The following PCYT1B variants were observed in gnomAD, a reference collection of about 807,000 sequenced individuals.
PCYT1B encodes the protein choline-phosphate cytidylyltransferase B.
Under a neutral mutation model 26.4 loss-of-function variants are expected in PCYT1B, and 10 were observed. That is an observed-to-expected ratio of 0.38 (90% CI 0.23 to 0.64). The LOEUF (loss-of-function observed/expected upper bound fraction) is 0.64, where lower values mean the gene tolerates loss of function less well. PCYT1B is among the 30% of genes least tolerant of loss of function. PCYT1B has a pLI of 0.56. For synonymous variants in PCYT1B, 131 were observed against 108.4 expected (o/e 1.21, Z -1.29); for missense variants, 161 against 292.7 (o/e 0.55, Z 3.28).
chrX:24,630,984 G>A (rs750781150), intron 1 of PCYT1B, among the ~76,000 whole-genome samples: 7 of 111,229 alleles, frequency 6.3e-5, no homozygotes, highest in Admixed American at 9.5e-5. Context: ...GTGCAGTGGC[G>A]CGATCTCAGC....
At chrX:24,670,561 G>A (rs977006758) in intron 1 of PCYT1B, among the ~76,000 whole-genome samples, 1 of 111,820 alleles carries the variant, frequency 8.9e-6, no homozygotes, top group Non-Finnish European at 1.9e-5. Flanking sequence ...CGAAAAGCAT[G>A]AGAAAAATGT....
intron 3 of PCYT1B, among the ~76,000 whole-genome samples, chrX:24,596,144 C>T (rs1329597918): frequency 1.8e-5 from 2 of 111,556 alleles, no homozygotes; most frequent in Non-Finnish European, 3.8e-5. Context: ...AATTCCTTGG[C>T]CTGTTTTTAA....
intron 1 of PCYT1B, among the ~76,000 whole-genome samples, chrX:24,623,620 A>G (rs982391306): frequency 9.0e-6 from 1 of 110,810 alleles, no homozygotes; most frequent in African/African-American, 3.3e-5. Context: ...CATTTGTCAC[A>G]TAAGTTCTGG....
chrX:24,583,775 C>T (rs181123098), intron 5 of PCYT1B, among the ~76,000 whole-genome samples: 96 of 111,854 alleles, frequency 8.6e-4, no homozygotes, highest in African/African-American at 3.0e-3. Flanking sequence ...GGGGATAACT[C>T]AGCTGGATGA....
At position 24,619,514 on chromosome X, in the gene PCYT1B, G is replaced by A. The variant is rs192822435; in HGVS notation, c.118-430C>T. Among the ~76,000 whole-genome samples the A allele has an allele frequency of 4.8e-4, 54 of 111,743 alleles. 1 individual carries two copies. Among genetic ancestry groups the A allele is most frequent in the African/African-American group, 1.7e-3 (52 of 30,768 alleles). On this transcript the variant is annotated intron_variant, in intron 1 of 7. Transcript: ENST00000379144. ...TTGGAAAGTCACAATGCCCAGCTTC[G>A]AACATTTCACAACCGAGGGCAGTCT...
At position 24,607,818 on chromosome X, in the gene PCYT1B, G is replaced by A; in HGVS notation, c.261C>T (p.Leu87=). 1.7e-6 allele frequency: 2 copies of A among 1,198,576 alleles called. No individual in the cohort carries two copies. The highest frequency in any genetic ancestry group is 2.3e-6 in the Non-Finnish European group (2 of 885,251). Residue 87 remains leucine (L), a synonymous_variant, in exon 3 of 8, where the codon CTC becomes CTT. Coordinates refer to ENST00000379144, the MANE Select transcript of PCYT1B (RefSeq NM_004845.5). ...GGGCTCTTGCATGACCTGAGTGGAA[G>A]AGGTCAAATATTCCATCGGCGTATA... is the stretch of plus-strand genomic sequence containing the variant. ...VRVYADGIFD[L]FHSGHARALM... is the part of the protein sequence containing the mutation.
At chrX:24,586,480 G>A (rs943832310) in intron 5 of PCYT1B, among the ~76,000 whole-genome samples, 1 of 112,341 alleles carries the variant, frequency 8.9e-6, no homozygotes, top group African/African-American at 3.2e-5. Flanking sequence ...CAAGCTGAGT[G>A]GAGTCTCATT....
At chrX:24,640,966 C>T (rs758653515) in intron 1 of PCYT1B, among the ~76,000 whole-genome samples, 10 of 111,852 alleles carry the variant, frequency 8.9e-5, no homozygotes, top group Admixed American at 2.9e-4. Flanking sequence ...TGGAGTCTCG[C>T]TCTGTCACTC....
At chrX:24,664,909 G>GAT (rs1927096653) in intron 1 of PCYT1B, among the ~76,000 whole-genome samples, 2 of 111,494 alleles carry the variant, frequency 1.8e-5, no homozygotes, top group Non-Finnish European at 3.8e-5. Flanking sequence ...AGAGAGCTGA[G>GAT]ATAGCACCAC....
At position 24,606,864 on chromosome X, in the gene PCYT1B, TCAAACAAA is replaced by T. The variant is rs59381770; in HGVS notation, c.334+873_334+880del. On this transcript the variant is annotated intron_variant, in intron 3 of 7. Transcript: ENST00000379144. ...TTGGGCGACAGAGTGAGATTCCGTC[TCAAACAAA>T]CAAACAAACAAACAAAGTGGTTTTT... Among the ~76,000 whole-genome samples the T allele has an allele frequency of 7.9e-3, 853 of 108,264 alleles. 11 individuals are homozygous for T. Among genetic ancestry groups the T allele is most frequent in the African/African-American group, 0.027 (824 of 30,075 alleles). The allele number at this position is 108,264 out of a possible 115,157, so 94.0% of individuals were successfully genotyped here. A position where few individuals can be genotyped will look rare whatever the true frequency, so the allele number is the denominator to read the frequency against.
At position 24,594,176 on chromosome X, in the gene PCYT1B, A is replaced by G. The variant is rs141390645; in HGVS notation, c.335-4002T>C. Among the ~76,000 whole-genome samples the G allele has an allele frequency of 2.0e-4, 22 of 111,465 alleles. 1 individual carries two copies. The East Asian group carries it at 5.6e-3, about 29-fold the overall frequency. On this transcript the variant is annotated intron_variant, in intron 3 of 7. Coordinates refer to ENST00000379144, the MANE Select transcript of PCYT1B (RefSeq NM_004845.5). ...TTGAAAACCCTGAAGCATATTATAA[A>G]TAACTTGAGTCAAGAGCTCTGCCTG...
chrX:24,618,128 C>A (rs1361232549), intron 2 of PCYT1B, among the ~76,000 whole-genome samples: 1 of 111,438 alleles, frequency 9.0e-6, no homozygotes, highest in Non-Finnish European at 1.9e-5. Context: ...CCTTATAATT[C>A]TTTCCAAATC....
chrX:24,633,668 C>T (rs781523104), intron 1 of PCYT1B, among the ~76,000 whole-genome samples: 11 of 111,576 alleles, frequency 9.9e-5, no homozygotes, highest in Non-Finnish European at 1.9e-4. Flanking sequence ...AGCGAGACTC[C>T]GTCTCAGTAT....
At chrX:24,621,176 G>A (rs1392200567) in intron 1 of PCYT1B, among the ~76,000 whole-genome samples, 1 of 111,733 alleles carries the variant, frequency 8.9e-6, no homozygotes, top group African/African-American at 3.3e-5. Flanking sequence ...AAAGTCATGA[G>A]TGACCCACCA....
intron 1 of PCYT1B, among the ~76,000 whole-genome samples, chrX:24,645,966 C>T (rs757041824): frequency 4.5e-5 from 5 of 111,968 alleles, no homozygotes; most frequent in African/African-American, 6.5e-5. Flanking sequence ...TGCTACATCA[C>T]AAAATCCTTT....
At chrX:24,658,054 C>T (rs1219311827) in intron 1 of PCYT1B, 1 of 111,642 alleles carries the variant, frequency 9.0e-6, no homozygotes, top group African/African-American at 3.3e-5. Flanking sequence ...TTTCCCAGTA[C>T]TACAGCAAGT....
intron 1 of PCYT1B, among the ~76,000 whole-genome samples, chrX:24,629,386 C>T (rs760555884): frequency 1.3e-4 from 14 of 106,836 alleles, no homozygotes; most frequent in South Asian, 4.3e-4. Context: ...GGCAACATGG[C>T]GAAACCCTCT....
intron 3 of PCYT1B, among the ~76,000 whole-genome samples, chrX:24,596,814 T>C: frequency 9.0e-6 from 1 of 111,078 alleles, no homozygotes; most frequent in East Asian, 2.8e-4. Context: ...AAGTCTTCGC[T>C]CCACCCAAGG....
At chrX:24,640,136 T>C (rs1357635165) in intron 1 of PCYT1B, among the ~76,000 whole-genome samples, 2 of 111,861 alleles carry the variant, frequency 1.8e-5, no homozygotes, top group African/African-American at 6.5e-5. Context: ...GTACATTCTA[T>C]CTGCTTCCTC....
Sources: gnomAD v4.1 joint callset for allele counts (sites outside exome capture counted in the v4.1 genomes callset) on GRCh38, gnomAD v4.1.1 for gene constraint, MANE v1.5 for transcripts, NCBI Gene and HGNC (gene_info 2026-07-23, HGNC 2026-07-21) for gene names.